The following CEP120 variants were observed in gnomAD, a reference collection of about 807,000 sequenced individuals.
CEP120 encodes centrosomal protein 120.
In CEP120, 113 loss-of-function variants were observed where a neutral mutation model predicts 126.5. The observed-to-expected ratio is 0.89, with a 90% CI of 0.77 to 1.04. CEP120 has a LOEUF of 1.04. Ranked by LOEUF, CEP120 falls within the 50% of genes least tolerant of loss-of-function variation. The pLI is 0.00. For missense variants in CEP120, 1,230 were observed against 1,155.7 expected, an observed-to-expected ratio of 1.06 and a Z score of -0.93; for synonymous variants, 400 against 394.3, an observed-to-expected ratio of 1.01 and a Z score of -0.17.
At chr5:123,399,619 C>G (rs554343851) in intron 4 of CEP120, among the ~76,000 whole-genome samples, 45 of 152,072 alleles carry the variant, frequency 3.0e-4, no homozygotes, top group African/African-American at 1.0e-3. Flanking sequence ...GGCAGCTGAA[C>G]AGGGAATGGG....
chr5:123,390,060 C>A lies in CEP120; in HGVS notation c.1119G>T (p.Lys373Asn). 6.2e-7 allele frequency: 1 copy of A among 1,614,022 alleles called. No homozygotes were observed. The highest frequency in any genetic ancestry group is 8.5e-7 in the Non-Finnish European group (1 of 1,179,936). ...TTGGTGATTTTGGCCCAGTAAGTGT[C>A]TTCTCCTTTATGGGGGTTAAAACTT... ...KKKVLTPIKEKTLTGPKSPTV... is the reference protein window; with the variant it reads ...KKKVLTPIKENTLTGPKSPTV... The change falls in exon 8 of 20, where the codon AAG becomes AAT. Residue 373 changes from lysine to asparagine, a missense_variant. Physicochemically the swap from Lys to Asn is moderately conservative, Grantham distance 94. Transcript: ENST00000306467.
intron 3 of CEP120, among the ~76,000 whole-genome samples, chr5:123,415,062 T>C (rs901290324): frequency 6.6e-6 from 1 of 150,762 alleles, no homozygotes; most frequent in South Asian, 2.1e-4. Context: ...AGGATGATTC[T>C]GAGTTCTTTC....
chr5:123,423,031 CT>C lies in CEP120; in HGVS notation c.-34del. 6.2e-7 allele frequency: 1 copy of C among 1,601,616 alleles called. No individual in the cohort carries two copies. Among genetic ancestry groups the C allele is most frequent in the South Asian group, 1.1e-5 (1 of 90,832 alleles). ...GTGAGCGGTCCGGGGGCGAAGGCGG[CT>C]GGGGGGAAGTGAGGTCCAGTTGAGT... On this transcript the variant is annotated 5_prime_UTR_variant, in exon 1 of 20. Transcript: ENST00000306467.
intron 18 of CEP120, among the ~76,000 whole-genome samples, chr5:123,363,086 T>G (rs1194064092): frequency 1.3e-5 from 2 of 151,654 alleles, no homozygotes. Context: ...TCCTCTGTTT[T>G]ATAAGAACAG....
At chr5:123,422,828 G>A in intron 1 of CEP120, 122 bp downstream of exon 1, 1 of 953,276 alleles carries the variant, frequency 1.0e-6, no homozygotes, top group East Asian at 2.4e-5. Context: ...CTTTGAACAA[G>A]TCTGTGGGGA....
intron 18 of CEP120, 127 bp downstream of exon 18, chr5:123,364,369 C>A: frequency 2.4e-6 from 1 of 416,062 alleles, no homozygotes; most frequent in South Asian, 6.8e-5. Flanking sequence ...TTTATAAAAG[C>A]CTCTAATCTC....
At chr5:123,379,068 A>G (rs1771463356) in intron 14 of CEP120, among the ~76,000 whole-genome samples, 2 of 152,088 alleles carry the variant, frequency 1.3e-5, no homozygotes, top group African/African-American at 4.8e-5. Context: ...AGCCAAATAG[A>G]GGAAGTGTTT....
At chr5:123,367,875 T>A (rs1329754192) in intron 17 of CEP120, among the ~76,000 whole-genome samples, 1 of 151,942 alleles carries the variant, frequency 6.6e-6, no homozygotes, top group African/African-American at 2.4e-5. Flanking sequence ...TTAAATCAGA[T>A]ACTTTTTAAC....
intron 1 of CEP120, among the ~76,000 whole-genome samples, chr5:123,419,363 T>G (rs1251143565): frequency 6.6e-6 from 1 of 152,124 alleles, no homozygotes; most frequent in Non-Finnish European, 1.5e-5. Flanking sequence ...AATACTTTCC[T>G]GGTGAAACCC....
At chr5:123,361,106 T>G (rs1406473778) in intron 18 of CEP120, among the ~76,000 whole-genome samples, 1 of 151,808 alleles carries the variant, frequency 6.6e-6, no homozygotes, top group Non-Finnish European at 1.5e-5. Flanking sequence ...TTCAGCTGAT[T>G]TGGGTAATGT....
At chr5:123,408,220 G>C (rs889010403) in intron 4 of CEP120, among the ~76,000 whole-genome samples, 1 of 151,972 alleles carries the variant, frequency 6.6e-6, no homozygotes, top group Non-Finnish European at 1.5e-5. Context: ...TAGGAAACCA[G>C]AAAAGGAGCA....
At chr5:123,420,318 A>G (rs1447441444) in intron 1 of CEP120, among the ~76,000 whole-genome samples, 2 of 152,260 alleles carry the variant, frequency 1.3e-5, no homozygotes, top group Non-Finnish European at 2.9e-5. Flanking sequence ...GCCTTGCTGC[A>G]GACAATGATA....
Position 123,382,213 on chromosome 5 carries a change from G to A in CEP120, c.2014-13C>T, listed in dbSNP as rs1228982030. 1.9e-6 allele frequency: 3 copies of A among 1,559,126 alleles called. No homozygotes were observed. The highest frequency in any genetic ancestry group is 2.6e-6 in the Non-Finnish European group (3 of 1,152,036). On this transcript the variant is annotated splice_polypyrimidine_tract_variant and intron_variant, in intron 13 of 19. Transcript: ENST00000306467. The stretch of plus-strand genomic sequence containing the variant: ...CTTTCTGCTTCAGCTACAAAAGGAA[G>A]AAAAATAAAGTCGCCAAAAAACCCC...
chr5:123,352,949 T>C (rs186673776), intron 18 of CEP120, among the ~76,000 whole-genome samples: 116 of 152,106 alleles, frequency 7.6e-4, no homozygotes, highest in African/African-American at 2.5e-3. Flanking sequence ...ACAAATAACA[T>C]TGATTTTTAC....
chr5:123,412,403 T>C lies in CEP120; in HGVS notation c.459A>G (p.Gly153=). Residue 153 remains glycine, a synonymous_variant, in exon 4 of 20, where the codon GGA becomes GGG. Transcript: ENST00000306467. ...TTTTAGAGATGATGCACAAACCTTTTCCATCTCGAGGGGGAGCCCCCTTTG... is the reference window on the plus strand; with the variant it reads ...TTTTAGAGATGATGCACAAACCTTTCCCATCTCGAGGGGGAGCCCCCTTTG... ...FKAKGAPPRD[G]KVPAILAGLD... is the part of the protein sequence containing the mutation. 6.3e-7 allele frequency: 1 copy of C among 1,597,000 alleles called. No homozygotes were observed. Among genetic ancestry groups the C allele is most frequent in the Non-Finnish European group, 8.5e-7 (1 of 1,174,990 alleles).
Position 123,377,454 on chromosome 5 carries a change from C to A in CEP120, c.2278G>T (p.Glu760Ter). The change falls in exon 16 of 20, where the codon GAG becomes TAG. Residue 760 changes from glutamate to a stop codon, truncating the protein, a stop_gained. Coordinates refer to ENST00000306467, the MANE Select transcript of CEP120 (RefSeq NM_001375405.1). LOFTEE classifies it high-confidence loss of function. ...ELQDSIRRAK[E>*]DCIHQVELER... ...AGTTCTACTTGGTGAATACAGTCCT[C>A]TTTGGCCCTACGGATAGAGTCCTGC... 1 of 1,611,866 alleles carries A rather than the reference C, an allele frequency of 6.2e-7. No individual in the cohort carries two copies. The highest frequency in any genetic ancestry group is 8.5e-7 in the Non-Finnish European group (1 of 1,179,296).
Position 123,385,087 on chromosome 5 carries a change from C to G in CEP120, c.1627G>C (p.Asp543His). The G allele has an allele frequency of 1.2e-6, 2 of 1,613,536 alleles. No individual in the cohort carries two copies. The highest frequency in any genetic ancestry group is 4.5e-5 in the East Asian group (2 of 44,842). ...ATTCTCGCAATTCCCAGAAGTAAAT[C>G]TTTACTCATTTTATCCTTGTGCCAT... is the stretch of plus-strand genomic sequence containing the variant. ...ELWHKDKMSK[D>H]LLLGIARIQL... Residue 543 changes from aspartate to histidine, a missense_variant, in exon 11 of 20, where the codon GAT becomes CAT. Coordinates refer to ENST00000306467, the MANE Select transcript of CEP120 (RefSeq NM_001375405.1).
rs781515456 is a variant in CEP120 at position 123,345,217 on chromosome 5, ATTTCT to A, written c.*1297_*1301del. The A allele has an allele frequency of 6.6e-6, 1 of 152,084 alleles. No homozygotes were observed. The highest frequency in any genetic ancestry group is 2.4e-5 in the African/African-American group (1 of 41,428). 9.4% of individuals were successfully genotyped at this position (152,084 alleles called of 1,614,324 possible). On this transcript the variant is annotated 3_prime_UTR_variant, in exon 20 of 20. Coordinates refer to ENST00000306467, the MANE Select transcript of CEP120 (RefSeq NM_001375405.1). ...AGATTCATTATCCTCTCATTCAGTA[ATTTCT>A]TTATTATTTACTGCTGGGTTATTTT...
intron 16 of CEP120, among the ~76,000 whole-genome samples, 178 bp downstream of exon 16, chr5:123,377,196 T>C (rs1771290849): frequency 6.6e-6 from 1 of 152,112 alleles, no homozygotes; most frequent in Non-Finnish European, 1.5e-5. Context: ...CACAATTTCA[T>C]ACAAAATAGT....
Sources: allele counts gnomAD v4.1 joint callset (sites outside exome capture counted in the v4.1 genomes callset), GRCh38; gene constraint gnomAD v4.1.1; transcripts MANE v1.5; gene names NCBI Gene and HGNC (gene_info 2026-07-23, HGNC 2026-07-21).